Variants in MAP3K7CL observed in about 807,000 individuals in gnomAD.
MAP3K7CL encodes the protein MAP3K7 C-terminal-like protein.
Under a neutral mutation model 18.6 loss-of-function variants are expected in MAP3K7CL, and 16 were observed. That is an observed-to-expected ratio of 0.86 (90% CI 0.58 to 1.31). The LOEUF is 1.31. Among genes scored for constraint, MAP3K7CL ranks in the 50% most tolerant of loss-of-function variants. The pLI, the probability that MAP3K7CL is intolerant of heterozygous loss-of-function variation, is 0.00. For missense variants in MAP3K7CL, 163 were observed against 174.4 expected (o/e 0.93, Z 0.37); for synonymous variants, 65 against 66.8 (o/e 0.97, Z 0.13).
intron 4 of MAP3K7CL, among the ~76,000 whole-genome samples, chr21:29,114,913 G>A (rs1484683150): frequency 6.6e-6 from 1 of 152,196 alleles, no homozygotes; most frequent in Non-Finnish European, 1.5e-5. Context: ...AGAAAATCTA[G>A]GAGCCACAGG....
chr21:29,167,092 G>C (rs2776253), intron 4 of MAP3K7CL, among the ~76,000 whole-genome samples: 132,981 of 152,284 alleles, frequency 0.87, 58,493 homozygotes, highest in African/African-American at 0.94. Flanking sequence ...CTAGCCATCT[G>C]TAGTGGGTGT....
chr21:29,172,620 G>T (rs2087867538), intron 4 of MAP3K7CL, among the ~76,000 whole-genome samples: 1 of 151,880 alleles, frequency 6.6e-6, no homozygotes, highest in Admixed American at 6.6e-5. Flanking sequence ...TCCATATTTG[G>T]GTATGCTTTA....
intron 3 of MAP3K7CL, among the ~76,000 whole-genome samples, chr21:29,158,749 A>G (rs1363985978): frequency 6.8e-6 from 1 of 147,890 alleles, no homozygotes; most frequent in Non-Finnish European, 1.5e-5. Flanking sequence ...TGACCTTGTC[A>G]GATACATAGT....
chr21:29,121,108 A>T (rs1430442198), intron 4 of MAP3K7CL, among the ~76,000 whole-genome samples: 1 of 133,716 alleles, frequency 7.5e-6, no homozygotes, highest in African/African-American at 2.7e-5. Flanking sequence ...ACCCAACTTC[A>T]TTCATGAAAC....
intron 1 of MAP3K7CL, among the ~76,000 whole-genome samples, chr21:29,078,835 C>A (rs1568921906): frequency 6.6e-6 from 1 of 152,300 alleles, no homozygotes; most frequent in Middle Eastern, 3.4e-3. Context: ...CCCACAGCTC[C>A]ACTTAGTTTC....
chr21:29,143,950 T>G (rs1236125228), intron 2 of MAP3K7CL, among the ~76,000 whole-genome samples: 1 of 152,168 alleles, frequency 6.6e-6, no homozygotes, highest in Non-Finnish European at 1.5e-5. Flanking sequence ...GGGTATATGC[T>G]TATTTTTATC....
chr21:29,095,934 TG>T (rs1280106344), intron 4 of MAP3K7CL, among the ~76,000 whole-genome samples: 1 of 152,232 alleles, frequency 6.6e-6, no homozygotes, highest in Admixed American at 6.5e-5. Context: ...TAGTATCAGC[TG>T]TTTAAGAGGA....
At position 29,130,873 on chromosome 21, in the gene MAP3K7CL, AGG is replaced by A; in HGVS notation, c.-89_-88del. 2.0e-6 allele frequency: 2 copies of A among 985,578 alleles called. No individual in the cohort carries two copies. Among genetic ancestry groups the A allele is most frequent in the Non-Finnish European group, 2.4e-6 (2 of 830,022 alleles). The allele number at this position is 985,578 out of a possible 1,614,324, so 61.1% of individuals were successfully genotyped here. On this transcript the variant is annotated 5_prime_UTR_variant, in exon 1 of 5. An upstream open reading frame in the 5' UTR loses its in-frame stop. Transcript: ENST00000399928. The stretch of plus-strand genomic sequence containing the variant: ...ACTCCACAAAGGCAACGACTGGCCA[AGG>A]CAGTGGCTGGCTCTGGGTTACACAA...
chr21:29,089,701 T>C (rs1393896952), intron 1 of MAP3K7CL, among the ~76,000 whole-genome samples: 2 of 152,198 alleles, frequency 1.3e-5, no homozygotes, highest in Non-Finnish European at 2.9e-5. Context: ...AGCATAAATC[T>C]CTAGGCTGAG....
chr21:29,099,424 G>A (rs2086182744), intron 4 of MAP3K7CL, among the ~76,000 whole-genome samples: 1 of 151,780 alleles, frequency 6.6e-6, no homozygotes, highest in African/African-American at 2.4e-5. Flanking sequence ...GTTTTTGAAG[G>A]CATTTAAAGG....
At chr21:29,130,989 T>C in intron 1 of MAP3K7CL, 66 bp downstream of exon 1, 6 of 922,504 alleles carry the variant, frequency 6.5e-6, no homozygotes, top group Non-Finnish European at 7.8e-6. Context: ...CAAAGCTCTG[T>C]TACAGCCTGT....
intron 3 of MAP3K7CL, among the ~76,000 whole-genome samples, chr21:29,153,401 C>A (rs2087323669): frequency 6.6e-6 from 1 of 151,802 alleles, no homozygotes; most frequent in African/African-American, 2.4e-5. Context: ...AGAAAGGACG[C>A]CCAATTCTAT....
intron 4 of MAP3K7CL, among the ~76,000 whole-genome samples, chr21:29,161,860 A>G (rs1402496205): frequency 6.6e-6 from 1 of 152,208 alleles, no homozygotes; most frequent in Non-Finnish European, 1.5e-5. Flanking sequence ...AGACTTCTGC[A>G]AAACCTCAGT....
intron 1 of MAP3K7CL, among the ~76,000 whole-genome samples, chr21:29,131,825 A>G (rs1296360185): frequency 6.6e-6 from 1 of 152,184 alleles, no homozygotes; most frequent in East Asian, 1.9e-4. Context: ...ATGTATATAT[A>G]TATGCATTGG....
chr21:29,078,602 A>G (rs975123402), intron 1 of MAP3K7CL, among the ~76,000 whole-genome samples: 2 of 152,324 alleles, frequency 1.3e-5, no homozygotes, highest in South Asian at 4.1e-4. Context: ...CCCCATGTCA[A>G]TCCCTTACCA....
chr21:29,170,632 T>C (rs887995850), intron 4 of MAP3K7CL, among the ~76,000 whole-genome samples: 17 of 149,916 alleles, frequency 1.1e-4, no homozygotes, highest in African/African-American at 2.9e-4. Flanking sequence ...TCTCTCTCTC[T>C]TTCTCTTTTT....
intron 4 of MAP3K7CL, among the ~76,000 whole-genome samples, chr21:29,163,345 T>C (rs1367704415): frequency 6.6e-6 from 1 of 151,224 alleles, no homozygotes; most frequent in African/African-American, 2.4e-5. Context: ...AAGGCCAAAT[T>C]CTTTCATTAT....
Position 29,133,424 on chromosome 21 carries a change from G to A in MAP3K7CL, c.70+10G>A, listed in dbSNP as rs2086818092. 4 of 1,520,810 alleles carry A rather than the reference G, an allele frequency of 2.6e-6. No homozygotes were observed. The African/African-American group carries it at 4.1e-5, about 16-fold the overall frequency. 94.2% of individuals were successfully genotyped at this position (1,520,810 alleles called of 1,614,324 possible). On this transcript the variant is annotated intron_variant, in intron 2 of 4. Coordinates refer to ENST00000399928, the MANE Select transcript of MAP3K7CL (RefSeq NM_001286620.2). Reference sequence around the variant, plus strand: ...CTCAATGACGCCTCAGGTATACTCTGCTCTGGAAGAAGGATTGTTTCCTTC... The same window carrying A: ...CTCAATGACGCCTCAGGTATACTCTACTCTGGAAGAAGGATTGTTTCCTTC...
At chr21:29,111,959 T>G (rs1262753671) in intron 4 of MAP3K7CL, among the ~76,000 whole-genome samples, 2 of 152,146 alleles carry the variant, frequency 1.3e-5, no homozygotes, top group East Asian at 3.9e-4. Flanking sequence ...TTGCCTCCTC[T>G]CCAATCCTCC....
Sources: gnomAD v4.1 joint callset for allele counts (sites outside exome capture counted in the v4.1 genomes callset) on GRCh38, gnomAD v4.1.1 for gene constraint, MANE v1.5 for transcripts, NCBI Gene and HGNC (gene_info 2026-07-23, HGNC 2026-07-21) for gene names.